Variants in TYR observed in about 807,000 individuals in gnomAD.
TYR encodes the protein LB24-AB.
Under a neutral mutation model 51.5 loss-of-function variants are expected in TYR, and 58 were observed. That is an observed-to-expected ratio of 1.13 (90% confidence interval 0.91 to 1.40). The LOEUF (loss-of-function observed/expected upper bound fraction) is 1.40. Ranked by LOEUF, TYR falls within the 40% of genes most tolerant of loss-of-function variation. TYR has a pLI of 0.00. For missense variants in TYR, 732 were observed against 647.4 expected (o/e 1.13, Z -1.42); for synonymous variants, 263 against 235.2 (o/e 1.12, Z -1.08).
intron 3 of TYR, among the ~76,000 whole-genome samples, chr11:89,255,391 G>A (rs2135302658): frequency 6.6e-6 from 1 of 151,390 alleles, no homozygotes; most frequent in East Asian, 1.9e-4. Flanking sequence ...TTGATGACCT[G>A]TCTAATGAAA....
chr11:89,271,148 C>T (rs1040280031), intron 3 of TYR, among the ~76,000 whole-genome samples: 13 of 151,764 alleles, frequency 8.6e-5, no homozygotes, highest in African/African-American at 2.7e-4. Context: ...ATAATAATAA[C>T]ATCTATACTT....
intron 2 of TYR, among the ~76,000 whole-genome samples, chr11:89,219,149 G>A (rs1314288181): frequency 6.6e-6 from 1 of 152,128 alleles, no homozygotes; most frequent in Non-Finnish European, 1.5e-5. Flanking sequence ...TGCACACACT[G>A]TAATTTTCTA....
chr11:89,233,909 T>A (rs2135286203), intron 3 of TYR, among the ~76,000 whole-genome samples: 1 of 143,400 alleles, frequency 7.0e-6, no homozygotes, highest in Non-Finnish European at 1.5e-5. Context: ...TGGCTTCTAC[T>A]TAAAGTTACC....
chr11:89,279,281 C>T (rs1340584287), intron 3 of TYR, among the ~76,000 whole-genome samples: 4 of 151,710 alleles, frequency 2.6e-5, no homozygotes, highest in Non-Finnish European at 5.9e-5. Flanking sequence ...CTATCATCTT[C>T]TCCCACCTTT....
chr11:89,179,576 C>G (rs1194335450), intron 1 of TYR, among the ~76,000 whole-genome samples: 1 of 152,054 alleles, frequency 6.6e-6, no homozygotes, highest in Non-Finnish European at 1.5e-5. Context: ...CATTTATTCT[C>G]TAATAGTCCA....
chr11:89,242,781 A>C (rs960385616), intron 3 of TYR, among the ~76,000 whole-genome samples: 1 of 152,206 alleles, frequency 6.6e-6, no homozygotes, highest in African/African-American at 2.4e-5. Flanking sequence ...TCATCACTAA[A>C]ATGGGAATCC....
At chr11:89,205,187 G>T (rs927061788) in intron 2 of TYR, among the ~76,000 whole-genome samples, 3 of 151,828 alleles carry the variant, frequency 2.0e-5, no homozygotes, top group Non-Finnish European at 4.4e-5. Flanking sequence ...TGAACTGGAA[G>T]ATAGAAAAAT....
At chr11:89,227,742 G>GTT in intron 2 of TYR, 81 bp from the exon 3 acceptor site, 4 of 1,237,658 alleles carry the variant, frequency 3.2e-6, no homozygotes, top group Non-Finnish European at 4.6e-6. Context: ...TCAAGTTATA[G>GTT]TTATAAATCA....
At chr11:89,226,092 G>A (rs367674939) in intron 2 of TYR, among the ~76,000 whole-genome samples, 2 of 152,026 alleles carry the variant, frequency 1.3e-5, no homozygotes, top group Non-Finnish European at 2.9e-5. Context: ...AAGTGTGAGA[G>A]TTTTAAATTT....
chr11:89,295,038 T>G, intron 4 of TYR, 105 bp from the exon 5 acceptor site: 1 of 1,549,478 alleles, frequency 6.5e-7, no homozygotes. Flanking sequence ...AGAGCTGGCC[T>G]TCAAACCCAG....
intron 2 of TYR, among the ~76,000 whole-genome samples, chr11:89,193,989 A>C (rs1370628119): frequency 6.6e-6 from 1 of 152,176 alleles, no homozygotes; most frequent in Non-Finnish European, 1.5e-5. Context: ...TCATATAGCC[A>C]CAGAACAGTT....
At chr11:89,228,001 C>T (rs761407336) in intron 3 of TYR, 31 bp downstream of exon 3, 13 of 1,610,788 alleles carry the variant, frequency 8.1e-6, no homozygotes, top group Non-Finnish European at 1.0e-5. Context: ...AAATAACGTG[C>T]TCATTGGATT....
At chr11:89,285,839 C>T (rs1241064444) in intron 4 of TYR, among the ~76,000 whole-genome samples, 3 of 151,764 alleles carry the variant, frequency 2.0e-5, no homozygotes, top group Non-Finnish European at 4.4e-5. Context: ...ATTCACCTAA[C>T]GCATGAGGGT....
intron 3 of TYR, among the ~76,000 whole-genome samples, chr11:89,237,224 A>G (rs1435746235): frequency 6.6e-6 from 1 of 152,018 alleles, no homozygotes; most frequent in African/African-American, 2.4e-5. Context: ...TCCTGTTTGT[A>G]TATTTTTTAT....
intron 3 of TYR, among the ~76,000 whole-genome samples, chr11:89,256,059 G>T (rs1944387371): frequency 6.6e-6 from 1 of 151,562 alleles, no homozygotes; most frequent in Non-Finnish European, 1.5e-5. Context: ...CATATGGTTT[G>T]TTATAGAATC....
intron 3 of TYR, among the ~76,000 whole-genome samples, chr11:89,236,685 G>A (rs995039469): frequency 3.3e-5 from 5 of 152,284 alleles, no homozygotes; most frequent in African/African-American, 9.6e-5. Flanking sequence ...TCTATTGACT[G>A]CCATTCAATT....
intron 2 of TYR, among the ~76,000 whole-genome samples, chr11:89,194,139 G>A (rs893285908): frequency 6.6e-6 from 1 of 152,064 alleles, no homozygotes; most frequent in African/African-American, 2.4e-5. Flanking sequence ...ATAGCATTTA[G>A]TTTTCATGGT....
intron 3 of TYR, among the ~76,000 whole-genome samples, chr11:89,235,796 A>T (rs1226188480): frequency 1.3e-5 from 2 of 152,126 alleles, no homozygotes; most frequent in Non-Finnish European, 2.9e-5. Flanking sequence ...AAATAATGAT[A>T]TATTGTATCT....
chr11:89,213,585 T>G (rs1216254192), intron 2 of TYR, among the ~76,000 whole-genome samples: 1 of 152,158 alleles, frequency 6.6e-6, no homozygotes, highest in African/African-American at 2.4e-5. Context: ...TGGAAAAAAC[T>G]ACTTTAAAGA....
Sources: gnomAD v4.1 joint callset for allele counts (sites outside exome capture counted in the v4.1 genomes callset) on GRCh38, gnomAD v4.1.1 for gene constraint, MANE v1.5 for transcripts, NCBI Gene and HGNC (gene_info 2026-07-23, HGNC 2026-07-21) for gene names.